HERC3: variants seen among roughly 807,000 people sequenced by gnomAD.
HERC3 encodes the protein probable E3 ubiquitin-protein ligase HERC3.
HERC3 carries 58 observed loss-of-function variants against 129.9 expected under a neutral mutation model. That is an observed-to-expected ratio of 0.45 (90% CI 0.36 to 0.56). The LOEUF (loss-of-function observed/expected upper bound fraction) is 0.56. Among genes scored for constraint, HERC3 ranks in the 20% least tolerant of loss-of-function variants. The pLI is 0.00. For missense variants in HERC3, 835 were observed against 1,244.2 expected (o/e 0.67, Z 4.95); for synonymous variants, 430 against 451.0 (o/e 0.95, Z 0.59).
chr4:88,687,143 C>G (rs1221532946), intron 22 of HERC3, 74 bp from the exon 23 acceptor site: 1 of 1,114,966 alleles, frequency 9.0e-7, no homozygotes, highest in Non-Finnish European at 1.3e-6. Flanking sequence ...TAAAGCCTCT[C>G]TCAGTCATTT....
the HERC3 span, chr4:88,523,847 T>G: frequency 1.3e-6 from 1 of 756,072 alleles, no homozygotes; most frequent in South Asian, 2.1e-5. Flanking sequence ...GCGGGCGCTT[T>G]GGTTCCGAGG....
At chr4:88,604,862 T>C (rs1168274781) in intron 2 of HERC3, among the ~76,000 whole-genome samples, 2 of 152,248 alleles carry the variant, frequency 1.3e-5, no homozygotes, top group African/African-American at 4.8e-5. Flanking sequence ...CAATGTAGTA[T>C]GGTTCTAATA....
chr4:88,681,143 T>A lies in HERC3; in HGVS notation c.2341-16T>A. 7 of 1,591,242 alleles carry A rather than the reference T, an allele frequency of 4.4e-6. No individual in the cohort carries two copies. Among genetic ancestry groups the A allele is most frequent in the Non-Finnish European group, 6.0e-6 (7 of 1,169,588 alleles). ...ATTGCATTTCTTTTTAACACATTTG[T>A]ATGTGTCCTAAAAAGTGTTTTGTAG... On this transcript the variant is annotated splice_polypyrimidine_tract_variant and intron_variant, in intron 20 of 25. Transcript: ENST00000402738.
At chr4:88,667,347 T>C in intron 12 of HERC3, 30 bp from the exon 13 acceptor site, 1 of 1,253,792 alleles carries the variant, frequency 8.0e-7, no homozygotes, top group Non-Finnish European at 1.1e-6. Flanking sequence ...TTTTCTTTTA[T>C]TATATACCTT....
the HERC3 span, among the ~76,000 whole-genome samples, chr4:88,577,671 G>A: frequency 7.7e-6 from 1 of 129,780 alleles, no homozygotes; most frequent in South Asian, 2.3e-4. Flanking sequence ...AATAGTGGTT[G>A]ACTTAATTTA....
intron 7 of HERC3, 55 bp from the exon 8 acceptor site, chr4:88,655,119 T>G: frequency 6.3e-7 from 1 of 1,598,820 alleles, no homozygotes; most frequent in Non-Finnish European, 8.6e-7. Context: ...ATACAGGGTT[T>G]AGAGGTATAC....
intron 23 of HERC3, among the ~76,000 whole-genome samples, chr4:88,694,961 T>C (rs1404517817): frequency 1.3e-5 from 2 of 152,212 alleles, no homozygotes; most frequent in Non-Finnish European, 2.9e-5. Flanking sequence ...CAGTTGATTC[T>C]CTTGGGTTTT....
chr4:88,525,296 A>G, the HERC3 span, among the ~76,000 whole-genome samples: 2 of 152,210 alleles, frequency 1.3e-5, no homozygotes, highest in South Asian at 2.1e-4. Flanking sequence ...TAAAGTTCCT[A>G]TGTCACCTTC....
At chr4:88,578,838 G>T in the HERC3 span, among the ~76,000 whole-genome samples, 5,069 of 152,170 alleles carry the variant, frequency 0.033, 275 homozygotes, top group East Asian at 0.27. Context: ...TCATATAGTG[G>T]GAAAGAGGTG....
chr4:88,635,802 C>T (rs574718787), intron 3 of HERC3, among the ~76,000 whole-genome samples: 1 of 152,278 alleles, frequency 6.6e-6, no homozygotes, highest in South Asian at 2.1e-4. Context: ...GCAGACCTCT[C>T]AGCAGAAACC....
chr4:88,616,716 C>T (rs1724939183), intron 3 of HERC3, among the ~76,000 whole-genome samples: 1 of 152,132 alleles, frequency 6.6e-6, no homozygotes, highest in Admixed American at 6.6e-5. Flanking sequence ...ATGTATTAGT[C>T]GCTATGCTTG....
intron 14 of HERC3, 126 bp downstream of exon 14, chr4:88,668,207 A>T: frequency 1.4e-6 from 1 of 706,462 alleles, no homozygotes; most frequent in Non-Finnish European, 2.3e-6. Flanking sequence ...AACACTTAAA[A>T]CCTTTTTTTC....
intron 2 of HERC3, among the ~76,000 whole-genome samples, chr4:88,596,121 T>C (rs1722363923): frequency 6.6e-6 from 1 of 152,156 alleles, no homozygotes; most frequent in Non-Finnish European, 1.5e-5. Context: ...AGTGTTAGGA[T>C]TACAGGCGTG....
chr4:88,559,020 T>A, the HERC3 span, among the ~76,000 whole-genome samples: 2 of 151,802 alleles, frequency 1.3e-5, no homozygotes, highest in East Asian at 3.9e-4. Flanking sequence ...TAAAAATACA[T>A]TTCATTGTGT....
chr4:88,590,140 C>G (rs777803588), upstream of HERC3, among the ~76,000 whole-genome samples: 285 of 152,120 alleles, frequency 1.9e-3, 2 homozygotes, highest in Non-Finnish European at 2.9e-3. Flanking sequence ...TGGTGGTGAG[C>G]GCCTGTAATC....
At chr4:88,664,262 A>G (rs902618441) in intron 12 of HERC3, 50 bp downstream of exon 12, 8 of 1,450,564 alleles carry the variant, frequency 5.5e-6, no homozygotes, top group African/African-American at 1.4e-5. Flanking sequence ...TGTAGTCTCA[A>G]GCTATTTGGA....
At chr4:88,689,324 G>A (rs2149328838) in intron 23 of HERC3, among the ~76,000 whole-genome samples, 1 of 147,188 alleles carries the variant, frequency 6.8e-6, no homozygotes, top group East Asian at 2.0e-4. Context: ...GGGCAAGATA[G>A]CAAAACCAAG....
chr4:88,568,290 T>C, the HERC3 span, among the ~76,000 whole-genome samples: 417 of 152,306 alleles, frequency 2.7e-3, no homozygotes, highest in African/African-American at 9.3e-3. Flanking sequence ...CCATTGCCTA[T>C]GTTCACTCAA....
chr4:88,575,189 T>G, the HERC3 span, among the ~76,000 whole-genome samples: 1 of 152,238 alleles, frequency 6.6e-6, no homozygotes, highest in African/African-American at 2.4e-5. Flanking sequence ...AAAAGTATCT[T>G]TTGGCAGAAC....
Sources: allele counts gnomAD v4.1 joint callset (sites outside exome capture counted in the v4.1 genomes callset), GRCh38; gene constraint gnomAD v4.1.1; transcripts MANE v1.5; gene names NCBI Gene and HGNC (gene_info 2026-07-23, HGNC 2026-07-21).